The following ANGPTL5 variants were observed in gnomAD, a reference collection of about 807,000 sequenced individuals.
The protein encoded by ANGPTL5 is angiopoietin like 5.
Under a neutral mutation model 39.4 loss-of-function variants are expected in ANGPTL5, and 34 were observed. That is an observed-to-expected ratio of 0.86 (90% confidence interval 0.66 to 1.15). The LOEUF is 1.15. ANGPTL5 is among the 50% of genes most tolerant of loss of function. The pLI, the probability that ANGPTL5 is intolerant of heterozygous loss-of-function variation, is 0.00. For missense variants in ANGPTL5, 467 were observed against 457.5 expected, an observed-to-expected ratio of 1.02 and a Z score of -0.19; for synonymous variants, 146 against 152.1, an observed-to-expected ratio of 0.96 and a Z score of 0.29.
intron 7 of ANGPTL5, among the ~76,000 whole-genome samples, chr11:101,896,502 C>A (rs1939798690): frequency 6.6e-6 from 1 of 152,114 alleles, no homozygotes; most frequent in Non-Finnish European, 1.5e-5. Context: ...TGCTATCCCT[C>A]CTCTAGCCCC....
At chr11:101,911,094 C>CTTTTTTT (rs71059524) in intron 1 of ANGPTL5, among the ~76,000 whole-genome samples, 5 of 54,992 alleles carry the variant, frequency 9.1e-5, no homozygotes, top group African/African-American at 1.5e-4. Flanking sequence ...CTACCCAAAT[C>CTTTTTTT]TTTTTTTTTT....
intron 7 of ANGPTL5, among the ~76,000 whole-genome samples, chr11:101,896,872 G>T (rs1471704699): frequency 2.6e-5 from 4 of 152,212 alleles, no homozygotes; most frequent in Non-Finnish European, 5.9e-5. Context: ...TATATACCCA[G>T]TAATGGGATT....
chr11:101,915,612 C>T (rs191172503), intron 1 of ANGPTL5, among the ~76,000 whole-genome samples: 1 of 152,250 alleles, frequency 6.6e-6, no homozygotes, highest in East Asian at 1.9e-4. Context: ...TGGCTGCTTC[C>T]CCCCATCACC....
At chr11:101,907,382 C>T in intron 2 of ANGPTL5, 135 bp from the exon 3 acceptor site, 1 of 571,526 alleles carries the variant, frequency 1.7e-6, no homozygotes, top group African/African-American at 1.9e-5. Context: ...GAAATATAAG[C>T]TATTTAATTC....
At chr11:101,898,868 T>C (rs1939844350) in intron 7 of ANGPTL5, among the ~76,000 whole-genome samples, 1 of 152,246 alleles carries the variant, frequency 6.6e-6, no homozygotes, top group Non-Finnish European at 1.5e-5. Flanking sequence ...GTGTTGAATT[T>C]ATCAAAGGGC....
chr11:101,904,838 G>A lies in ANGPTL5; in HGVS notation c.415C>T (p.Pro139Ser), dbSNP rs200370035. 2.5e-6 allele frequency: 4 copies of A among 1,613,568 alleles called. No individual in the cohort carries two copies. Among genetic ancestry groups the A allele is most frequent in the East Asian group, 2.2e-5 (1 of 44,860 alleles). Residue 139 changes from proline (P) to serine (S), a missense_variant, in exon 5 of 9, where the codon CCT (proline) becomes TCT (serine). Pro to Ser is a moderately conservative substitution (Grantham distance 74). Transcript: ENST00000334289. ...CCATGTGACTGAACAGGTCTGTGAG[G>A]AAAAGGATCCAGCTGTTTTCTAAAA... ...EVFRKQLDPFPHRPVQSHGLD... is the reference protein window; with the variant it reads ...EVFRKQLDPFSHRPVQSHGLD...
At chr11:101,898,918 T>C (rs1441757533) in intron 7 of ANGPTL5, among the ~76,000 whole-genome samples, 1 of 152,264 alleles carries the variant, frequency 6.6e-6, no homozygotes, top group African/African-American at 2.4e-5. Flanking sequence ...ATTTTCGTCA[T>C]TGGTTCTGTT....
chr11:101,910,925 T>C (rs1226527076), intron 1 of ANGPTL5, among the ~76,000 whole-genome samples: 1 of 152,014 alleles, frequency 6.6e-6, no homozygotes, highest in Non-Finnish European at 1.5e-5. Flanking sequence ...TGTGTTACTC[T>C]TCTAATCAAA....
At chr11:101,906,533 C>A (rs183762205) in intron 3 of ANGPTL5, among the ~76,000 whole-genome samples, 1 of 152,194 alleles carries the variant, frequency 6.6e-6, no homozygotes, top group East Asian at 1.9e-4. Flanking sequence ...ATTTCTTACA[C>A]CAAAGACATT....
At chr11:101,915,439 G>A (rs1940186647) in intron 1 of ANGPTL5, 1 of 1,586,392 alleles carries the variant, frequency 6.3e-7, no homozygotes, top group East Asian at 2.3e-5. Context: ...GTGGCTGCCA[G>A]GGTAGCGATG....
At chr11:101,904,130 T>C (rs559690028) in intron 5 of ANGPTL5, among the ~76,000 whole-genome samples, 152 of 152,268 alleles carry the variant, frequency 1.0e-3, no homozygotes, top group South Asian at 1.5e-3. Context: ...AAAATAATTT[T>C]AATAACAAAA....
At chr11:101,893,091 G>T (rs1939730339) in intron 8 of ANGPTL5, among the ~76,000 whole-genome samples, 1 of 152,122 alleles carries the variant, frequency 6.6e-6, no homozygotes, top group Non-Finnish European at 1.5e-5. Flanking sequence ...CCGACCACCA[G>T]AAGGATCATA....
chr11:101,910,767 A>G (rs1185784602), intron 1 of ANGPTL5, among the ~76,000 whole-genome samples: 2 of 152,092 alleles, frequency 1.3e-5, no homozygotes, highest in Admixed American at 1.3e-4. Context: ...AACTGTAAAC[A>G]TTTCTTGCCA....
At position 101,907,222 on chromosome 11, in the gene ANGPTL5, T is replaced by G. The variant is rs1222764912; in HGVS notation, c.122A>C (p.Glu41Ala). ...STDSSVVNIV[E>A]DGSNAKDESK... The stretch of plus-strand genomic sequence containing the variant: ...TTCATCTTTTGCATTAGATCCATCT[T>G]CTACAATGTTAACTACTGAAGAGTC... Residue 41 changes from glutamate to alanine, a missense_variant, in exon 3 of 9, where the codon GAA (glutamate) becomes GCA (alanine). Coordinates refer to ENST00000334289, the MANE Select transcript of ANGPTL5 (RefSeq NM_178127.5). The G allele has an allele frequency of 2.0e-6, 3 of 1,533,720 alleles. No individual in the cohort carries two copies. The African/African-American group carries it at 4.1e-5, about 21-fold the overall frequency.
intron 1 of ANGPTL5, among the ~76,000 whole-genome samples, chr11:101,913,422 A>G (rs1037842950): frequency 1.1e-4 from 16 of 152,192 alleles, no homozygotes; most frequent in Non-Finnish European, 1.9e-4. Context: ...TTTTCAGCAT[A>G]AATCTCCTAC....
intron 1 of ANGPTL5, among the ~76,000 whole-genome samples, chr11:101,910,880 A>G (rs866052677): frequency 6.6e-6 from 1 of 151,976 alleles, no homozygotes; most frequent in Non-Finnish European, 1.5e-5. Context: ...TTTCCCCACA[A>G]CAACTAGAGG....
intron 5 of ANGPTL5, among the ~76,000 whole-genome samples, chr11:101,903,296 A>G (rs978074842): frequency 6.6e-6 from 1 of 152,192 alleles, no homozygotes; most frequent in Non-Finnish European, 1.5e-5. Flanking sequence ...AGTTAGAATT[A>G]TAGCACCCCA....
intron 1 of ANGPTL5, chr11:101,915,291 G>A: frequency 6.2e-7 from 1 of 1,613,632 alleles, no homozygotes; most frequent in Non-Finnish European, 8.5e-7. Flanking sequence ...AAGGATGCTG[G>A]CGGGGAGGCC....
At position 101,916,423 on chromosome 11, in the gene ANGPTL5, G is replaced by C. The variant is rs899858488; in HGVS notation, c.-497C>G. On this transcript the variant is annotated 5_prime_UTR_variant, in exon 1 of 9. In the 5' UTR this introduces an upstream ATG that the reference lacks. Coordinates refer to ENST00000334289, the MANE Select transcript of ANGPTL5 (RefSeq NM_178127.5). ...ACTAAAAGTAAAATATCTCTTCTCC[G>C]ATCATGCTTTCTGCAATCTTCCATC... 6.6e-6 allele frequency: 1 copy of C among 152,152 alleles called. No individual in the cohort carries two copies. Among genetic ancestry groups the C allele is most frequent in the Non-Finnish European group, 1.5e-5 (1 of 68,010 alleles). 9.4% of individuals were successfully genotyped at this position (152,152 alleles called of 1,614,324 possible). A position where few individuals can be genotyped will look rare whatever the true frequency, so the allele number is the denominator to read the frequency against.
Sources: gnomAD v4.1 joint callset for allele counts (sites outside exome capture counted in the v4.1 genomes callset) on GRCh38, gnomAD v4.1.1 for gene constraint, MANE v1.5 for transcripts, NCBI Gene and HGNC (gene_info 2026-07-23, HGNC 2026-07-21) for gene names.